Variants in ST3GAL3 observed in about 807,000 individuals in gnomAD.
ST3GAL3 encodes ST3 beta-galactoside alpha-2,3-sialyltransferase 3.
Under a neutral mutation model 50.1 loss-of-function variants are expected in ST3GAL3, and 21 were observed. The observed-to-expected ratio is 0.42, with a 90% CI of 0.30 to 0.60. ST3GAL3 has a LOEUF of 0.60. Among genes scored for constraint, ST3GAL3 ranks in the 20% least tolerant of loss-of-function variants. The probability of loss-of-function intolerance (pLI) is 0.19; values close to 1 mark genes in which losing one functional copy is unlikely to be tolerated. For missense variants in ST3GAL3, 353 were observed against 489.4 expected (o/e 0.72, Z 2.63); for synonymous variants, 183 against 190.0 (o/e 0.96, Z 0.30).
chr1:43,829,843 A>G (rs2063295120), intron 4 of ST3GAL3, among the ~76,000 whole-genome samples: 1 of 152,048 alleles, frequency 6.6e-6, no homozygotes, highest in Admixed American at 6.6e-5. Flanking sequence ...CTATTTGCTT[A>G]CTGAAATTCA....
intron 1 of ST3GAL3, among the ~76,000 whole-genome samples, chr1:43,713,176 G>A (rs538160883): frequency 1.3e-5 from 2 of 152,124 alleles, no homozygotes; most frequent in Non-Finnish European, 2.9e-5. Flanking sequence ...ACATGTGAGC[G>A]GCATGTCTGT....
At chr1:43,743,457 G>A in intron 2 of ST3GAL3, 1 of 375,826 alleles carries the variant, frequency 2.7e-6, no homozygotes, top group Non-Finnish European at 5.3e-6. Context: ...CAAGAGAGGT[G>A]TCAACACTTA....
At chr1:43,800,667 C>T (rs1435303451) in intron 3 of ST3GAL3, among the ~76,000 whole-genome samples, 4 of 152,214 alleles carry the variant, frequency 2.6e-5, no homozygotes, top group Non-Finnish European at 5.9e-5. Context: ...CCTGTCTAAA[C>T]CTCTCTTTCC....
intron 1 of ST3GAL3, among the ~76,000 whole-genome samples, chr1:43,724,590 G>A (rs936971042): frequency 2.0e-5 from 3 of 152,056 alleles, no homozygotes; most frequent in African/African-American, 4.8e-5. Context: ...CTAAGTTATA[G>A]GTTCTTTTTT....
chr1:43,734,572 A>G (rs1032463719), intron 1 of ST3GAL3, among the ~76,000 whole-genome samples: 1 of 151,898 alleles, frequency 6.6e-6, no homozygotes, highest in African/African-American at 2.4e-5. Context: ...AGCCTACCAA[A>G]GTTCTGGGAT....
intron 9 of ST3GAL3, among the ~76,000 whole-genome samples, chr1:43,909,108 C>G (rs1169310682): frequency 6.6e-6 from 1 of 152,340 alleles, no homozygotes; most frequent in African/African-American, 2.4e-5. Flanking sequence ...AAGCCCATCA[C>G]CTCCAGCAGT....
chr1:43,727,509 C>G (rs1673526388), intron 1 of ST3GAL3, among the ~76,000 whole-genome samples: 1 of 152,068 alleles, frequency 6.6e-6, no homozygotes, highest in Non-Finnish European at 1.5e-5. Flanking sequence ...TGGGGAGGGG[C>G]AGCATACCAG....
chr1:43,826,718 A>C (rs1178765274), intron 4 of ST3GAL3, among the ~76,000 whole-genome samples: 1 of 152,254 alleles, frequency 6.6e-6, no homozygotes, highest in Non-Finnish European at 1.5e-5. Context: ...AATTGAGTTC[A>C]GCAATGTATA....
At chr1:43,929,954 GGC>G in intron 11 of ST3GAL3, 176 bp from the exon 12 acceptor site, 1 of 753,616 alleles carries the variant, frequency 1.3e-6, no homozygotes, top group Non-Finnish European at 2.4e-6. Context: ...GATGAGCTGT[GGC>G]ACTCCTAGAG....
At chr1:43,866,958 C>T (rs914654845) in intron 5 of ST3GAL3, among the ~76,000 whole-genome samples, 4 of 152,080 alleles carry the variant, frequency 2.6e-5, no homozygotes, top group African/African-American at 7.2e-5. Context: ...GGTGAAACCC[C>T]GTCTCTACTA....
chr1:43,835,838 G>C (rs2064237455), intron 4 of ST3GAL3, among the ~76,000 whole-genome samples: 1 of 152,150 alleles, frequency 6.6e-6, no homozygotes, highest in Non-Finnish European at 1.5e-5. Flanking sequence ...GGGGACTGGG[G>C]ACAGGACATG....
At chr1:43,813,901 A>ACACGCG (rs1312051956) in intron 3 of ST3GAL3, among the ~76,000 whole-genome samples, 13 of 63,252 alleles carry the variant, frequency 2.1e-4, no homozygotes, top group African/African-American at 5.7e-4. Flanking sequence ...ACACGCACAC[A>ACACGCG]CGCACACACA....
intron 9 of ST3GAL3, chr1:43,919,990 C>T: frequency 2.9e-6 from 1 of 342,224 alleles, no homozygotes; most frequent in Non-Finnish European, 5.6e-6. Flanking sequence ...GAAGTGGGAG[C>T]ACAGGAGGGC....
intron 2 of ST3GAL3, chr1:43,772,416 A>G: frequency 6.0e-6 from 1 of 167,446 alleles, no homozygotes; most frequent in Non-Finnish European, 1.3e-5. Flanking sequence ...CCTGGAATCT[A>G]GAGCGCTTGT....
intron 5 of ST3GAL3, among the ~76,000 whole-genome samples, chr1:43,847,430 G>A (rs762777140): frequency 1.3e-5 from 2 of 152,202 alleles, no homozygotes; most frequent in African/African-American, 4.8e-5. Flanking sequence ...GTATGCATAA[G>A]CAGTGGAATG....
intron 5 of ST3GAL3, among the ~76,000 whole-genome samples, chr1:43,850,054 C>A (rs1223367273): frequency 6.6e-6 from 1 of 152,188 alleles, no homozygotes; most frequent in Non-Finnish European, 1.5e-5. Flanking sequence ...ATAATTATAT[C>A]CAGCTGTGAG....
At chr1:43,789,986 A>G (rs2057846215) in intron 2 of ST3GAL3, among the ~76,000 whole-genome samples, 1 of 152,132 alleles carries the variant, frequency 6.6e-6, no homozygotes, top group Non-Finnish European at 1.5e-5. Flanking sequence ...CATTTTGTAA[A>G]AAAGTGGCAA....
chr1:43,907,183 C>G (rs768895688), intron 9 of ST3GAL3, among the ~76,000 whole-genome samples: 3 of 152,138 alleles, frequency 2.0e-5, no homozygotes, highest in Non-Finnish European at 4.4e-5. Flanking sequence ...CATTTTGGAC[C>G]GAAGGTGTTT....
intron 9 of ST3GAL3, among the ~76,000 whole-genome samples, chr1:43,901,697 G>A (rs886723142): frequency 1.1e-4 from 16 of 152,184 alleles, no homozygotes; most frequent in African/African-American, 3.9e-4. Context: ...ATTGCAGGAC[G>A]AGGCACAGGC....
Sources: gnomAD v4.1 joint callset for allele counts (sites outside exome capture counted in the v4.1 genomes callset) on GRCh38, gnomAD v4.1.1 for gene constraint, MANE v1.5 for transcripts, NCBI Gene and HGNC (gene_info 2026-07-23, HGNC 2026-07-21) for gene names.